The following RBMS2 variants were observed in gnomAD, a reference collection of about 807,000 sequenced individuals.
RBMS2 encodes the protein RNA binding motif single stranded interacting protein 2, also known as RNA-binding motif, single-stranded-interacting protein 2.
A neutral mutation model predicts 58.4 loss-of-function variants in RBMS2; 38 were observed. That is an observed-to-expected ratio of 0.65 (90% CI 0.50 to 0.85). The LOEUF (loss-of-function observed/expected upper bound fraction) is 0.85. Among genes scored for constraint, RBMS2 ranks in the 40% least tolerant of loss-of-function variants. RBMS2 has a pLI of 0.00. For missense variants in RBMS2, 367 were observed against 503.7 expected, an observed-to-expected ratio of 0.73 and a Z score of 2.60; for synonymous variants, 151 against 180.7, an observed-to-expected ratio of 0.84 and a Z score of 1.32.
chr12:56,582,212 G>T, intron 9 of RBMS2, 60 bp downstream of exon 9: 2 of 1,403,452 alleles, frequency 1.4e-6, no homozygotes, highest in Non-Finnish European at 2.0e-6. Context: ...TTTAAGTGAA[G>T]TAATATAAGG....
At chr12:56,553,732 G>T (rs1878714528) in intron 1 of RBMS2, among the ~76,000 whole-genome samples, 1 of 151,942 alleles carries the variant, frequency 6.6e-6, no homozygotes, top group African/African-American at 2.4e-5. Context: ...CTCCCAAAGT[G>T]CTGAGATTAC....
Position 56,551,496 on chromosome 12 carries a change from A to C in RBMS2, c.67-10921A>C, listed in dbSNP as rs1172238662. Among the ~76,000 whole-genome samples the C allele has an allele frequency of 3.3e-5, 5 of 152,214 alleles. No individual in the cohort carries two copies. In the East Asian group the frequency reaches 9.6e-4, roughly 29 times the overall value. On this transcript the variant is annotated intron_variant, in intron 1 of 13. Transcript: ENST00000262031. ...CCAATAAAAGAGTATTCTAGGTATG[A>C]GTCTTCTTATGAAGTAGACTGGAAG...
intron 5 of RBMS2, chr12:56,573,314 T>C: frequency 2.4e-6 from 1 of 411,348 alleles, no homozygotes; most frequent in Non-Finnish European, 3.3e-6. Flanking sequence ...CCGTCTCTAC[T>C]AAAAATACAA....
chr12:56,588,825 G>C (rs1180990833), intron 12 of RBMS2, 107 bp from the exon 13 acceptor site: 19 of 961,898 alleles, frequency 2.0e-5, no homozygotes, highest in Non-Finnish European at 3.2e-5. Flanking sequence ...TGGAGAGTGG[G>C]TAGGTTTGGG....
intron 1 of RBMS2, among the ~76,000 whole-genome samples, chr12:56,547,970 G>C (rs1003775031): frequency 3.9e-5 from 6 of 151,910 alleles, no homozygotes; most frequent in Non-Finnish European, 8.8e-5. Context: ...TACTTTTCTA[G>C]ATTGTAAGCT....
intron 1 of RBMS2, among the ~76,000 whole-genome samples, chr12:56,544,400 G>A (rs1440041527): frequency 6.6e-6 from 1 of 152,074 alleles, no homozygotes; most frequent in Non-Finnish European, 1.5e-5. Flanking sequence ...GGAAATATTT[G>A]TTTCTTTCTC....
chr12:56,582,901 C>T (rs896433354), intron 9 of RBMS2, among the ~76,000 whole-genome samples: 3 of 152,022 alleles, frequency 2.0e-5, no homozygotes, highest in African/African-American at 4.8e-5. Context: ...AACTCCTGAC[C>T]TCAGGTGATC....
intron 10 of RBMS2, 26 bp downstream of exon 10, chr12:56,586,952 C>G (rs756499687): frequency 1.4e-5 from 22 of 1,594,232 alleles, no homozygotes; most frequent in Non-Finnish European, 1.7e-5. Context: ...TGGGCAGAAG[C>G]CAAAGAGGCA....
At chr12:56,572,513 G>A (rs1445071805) in intron 5 of RBMS2, among the ~76,000 whole-genome samples, 1 of 151,976 alleles carries the variant, frequency 6.6e-6, no homozygotes, top group Non-Finnish European at 1.5e-5. Context: ...ACTTCCTAGG[G>A]AAGTACTCTA....
intron 1 of RBMS2, among the ~76,000 whole-genome samples, chr12:56,540,863 G>A (rs538691356): frequency 6.6e-6 from 1 of 152,118 alleles, no homozygotes; most frequent in African/African-American, 2.4e-5. Context: ...CACTTTGGGA[G>A]GTCAAGGCAG....
chr12:56,579,475 C>CA lies in RBMS2; in HGVS notation c.543-1701dup, dbSNP rs575006953. ...GAAACCCCGTCTCTACTAAAAATAC[C>CA]AAAAAAAATTAGCCGGGTGTGGTGG... is the stretch of plus-strand genomic sequence containing the variant. On this transcript the variant is annotated intron_variant, in intron 5 of 13. Transcript: ENST00000262031. Among the ~76,000 whole-genome samples, 1,001 of 151,252 alleles carry CA rather than the reference C, an allele frequency of 6.6e-3. 7 individuals are homozygous for CA. Among genetic ancestry groups the CA allele is most frequent in the Middle Eastern group, 0.034 (10 of 294 alleles).
At chr12:56,574,820 A>G (rs1033531800) in intron 5 of RBMS2, among the ~76,000 whole-genome samples, 1 of 152,226 alleles carries the variant, frequency 6.6e-6, no homozygotes, top group African/African-American at 2.4e-5. Context: ...TCTAAATATC[A>G]TAGCAATCTG....
intron 5 of RBMS2, among the ~76,000 whole-genome samples, chr12:56,577,300 A>G (rs1883267115): frequency 6.6e-6 from 1 of 151,096 alleles, no homozygotes; most frequent in Non-Finnish European, 1.5e-5. Flanking sequence ...AATCCCAGCT[A>G]CTCAGGAGTC....
chr12:56,554,937 T>C (rs573910563), intron 1 of RBMS2, among the ~76,000 whole-genome samples: 42 of 152,252 alleles, frequency 2.8e-4, no homozygotes, highest in African/African-American at 9.9e-4. Context: ...AGTTTTCTCA[T>C]TGATGAGTAT....
At chr12:56,521,288 G>T (rs538369547), upstream of RBMS2, among the ~76,000 whole-genome samples, 125 of 152,080 alleles carry the variant, frequency 8.2e-4, no homozygotes, top group Non-Finnish European at 1.5e-3. Flanking sequence ...AAATCAGCTG[G>T]GTGTGGTGGT....
intron 1 of RBMS2, among the ~76,000 whole-genome samples, chr12:56,544,663 A>G (rs1343199968): frequency 2.6e-5 from 4 of 152,036 alleles, no homozygotes; most frequent in South Asian, 2.1e-4. Flanking sequence ...TAATGGCTCA[A>G]TGCATTCTCA....
Position 56,536,200 on chromosome 12 carries a change from C to CAAAAAAAAA in RBMS2, c.66+14131_66+14139dup, listed in dbSNP as rs71446560. Among the ~76,000 whole-genome samples, 5 of 76,422 alleles carry CAAAAAAAAA rather than the reference C, an allele frequency of 6.5e-5. 1 individual carries two copies. The highest frequency in any genetic ancestry group is 3.2e-4 in the African/African-American group (5 of 15,592). The allele number at this position is 76,422 out of a possible 152,430, so 50.1% of individuals were successfully genotyped here. On this transcript the variant is annotated intron_variant, in intron 1 of 13. Transcript: ENST00000262031. ...GGGTGACAAGAGTGAAACTCTGTCTCAAAAAAAAAAAAAAAAAAAAAAAAA... is the reference window on the plus strand; with the variant it reads ...GGGTGACAAGAGTGAAACTCTGTCTCAAAAAAAAAAAAAAAAAAAAAAAAAAAAAAAAAA...
chr12:56,578,293 T>C (rs984496562), intron 5 of RBMS2, among the ~76,000 whole-genome samples: 46 of 151,936 alleles, frequency 3.0e-4, no homozygotes, highest in African/African-American at 1.1e-3. Flanking sequence ...CATGCCCAGC[T>C]AATTTTTGTA....
chr12:56,533,462 C>A (rs1459745645), intron 1 of RBMS2, among the ~76,000 whole-genome samples: 1 of 127,420 alleles, frequency 7.8e-6, no homozygotes, highest in African/African-American at 3.0e-5. Flanking sequence ...GTCACCCAGG[C>A]TGGAGTGTAG....
Sources: gnomAD v4.1 joint callset for allele counts (sites outside exome capture counted in the v4.1 genomes callset) on GRCh38, gnomAD v4.1.1 for gene constraint, MANE v1.5 for transcripts, NCBI Gene and HGNC (gene_info 2026-07-23, HGNC 2026-07-21) for gene names.